The following LRRC27 variants were observed in gnomAD, a reference collection of about 807,000 sequenced individuals.
LRRC27 encodes leucine rich repeat containing 27.
LRRC27 carries 57 observed loss-of-function variants against 55.0 expected under a neutral mutation model. That is an observed-to-expected ratio of 1.04 (90% CI 0.84 to 1.29). The LOEUF (loss-of-function observed/expected upper bound fraction) is 1.29. Among genes scored for constraint, LRRC27 ranks in the 50% most tolerant of loss-of-function variants. The pLI is 0.00. For missense variants in LRRC27, 721 were observed against 651.5 expected, an observed-to-expected ratio of 1.11 and a Z score of -1.16; for synonymous variants, 278 against 251.9, an observed-to-expected ratio of 1.10 and a Z score of -0.98.
At chr10:132,339,494 G>T (rs2067297430) in intron 3 of LRRC27, among the ~76,000 whole-genome samples, 1 of 152,232 alleles carries the variant, frequency 6.6e-6, no homozygotes, top group Non-Finnish European at 1.5e-5. Context: ...GCGGACCACA[G>T]ACGGACCTGG....
intron 2 of LRRC27, among the ~76,000 whole-genome samples, chr10:132,334,904 G>C (rs1489323448): frequency 2.0e-5 from 3 of 152,224 alleles, no homozygotes; most frequent in Non-Finnish European, 2.9e-5. Context: ...ACAAATGTCA[G>C]TATAAATTTT....
At position 132,380,219 on chromosome 10, in the gene LRRC27, C is replaced by T. The variant is rs1481060945; in HGVS notation, c.*4977C>T. Among the ~76,000 whole-genome samples the T allele has an allele frequency of 6.6e-6, 1 of 151,962 alleles. No homozygotes were observed. Among genetic ancestry groups the T allele is most frequent in the Non-Finnish European group, 1.5e-5 (1 of 67,984 alleles). On this transcript the variant is annotated 3_prime_UTR_variant, in exon 11 of 11. Coordinates refer to ENST00000368614, the MANE Select transcript of LRRC27 (RefSeq NM_030626.3). ...GCTGAGGCAGGAGAATCACTTGAAC[C>T]CGGAAGGCAGAGGTTGCAGTGAGCC...
intron 2 of LRRC27, chr10:132,337,200 G>A (rs528722342): frequency 7.9e-4 from 929 of 1,175,068 alleles, no homozygotes; most frequent in Non-Finnish European, 9.3e-4. Flanking sequence ...GGCTGCCGAG[G>A]GCCAGGTGCT....
chr10:132,360,721 G>A (rs184887337), intron 8 of LRRC27, among the ~76,000 whole-genome samples: 6 of 152,322 alleles, frequency 3.9e-5, no homozygotes, highest in African/African-American at 1.2e-4. Context: ...CATTCCAAAC[G>A]TCATCTCAGT....
rs2068830323 is a variant in LRRC27, at chr10:132,364,393, C to CCACACTTACACCCACG, written c.1290-1030_1290-1029insACACTTACACCCACGC. On this transcript the variant is annotated intron_variant, in intron 9 of 10. Transcript: ENST00000368614. Reference sequence around the variant, plus strand: ...TACACCCACCCACACTTACACCCACCCTTACATCTACCTCCACACCCGCGC... The same window carrying CCACACTTACACCCACG: ...TACACCCACCCACACTTACACCCACCCACACTTACACCCACGCTTACATCTACCTCCACACCCGCGC... Among the ~76,000 whole-genome samples the CCACACTTACACCCACG allele has an allele frequency of 4.0e-3, 35 of 8,642 alleles. 4 individuals carry two copies. The highest frequency in any genetic ancestry group is 0.015 in the East Asian group (3 of 202). 5.7% of individuals were successfully genotyped at this position (8,642 alleles called of 152,430 possible).
intron 10 of LRRC27, among the ~76,000 whole-genome samples, chr10:132,373,530 A>C (rs973628918): frequency 1.3e-5 from 2 of 152,204 alleles, no homozygotes; most frequent in Non-Finnish European, 2.9e-5. Context: ...CACTGCCCTC[A>C]GCAGGCGCCG....
intron 7 of LRRC27, among the ~76,000 whole-genome samples, 166 bp from the exon 8 acceptor site, chr10:132,355,624 G>T (rs116407901): frequency 6.6e-6 from 1 of 152,228 alleles, no homozygotes; most frequent in Non-Finnish European, 1.5e-5. Flanking sequence ...CAGATGTGCC[G>T]GGAGGAAGAG....
At chr10:132,333,774 C>T in intron 2 of LRRC27, 40 bp downstream of exon 2, 1 of 1,504,106 alleles carries the variant, frequency 6.6e-7, no homozygotes, top group African/African-American at 1.4e-5. Flanking sequence ...CCCACAGGTC[C>T]CCTATAGACA....
chr10:132,342,032 G>C (rs2067439591), intron 3 of LRRC27, among the ~76,000 whole-genome samples, 181 bp from the exon 4 acceptor site: 1 of 152,162 alleles, frequency 6.6e-6, no homozygotes, highest in Admixed American at 6.5e-5. Context: ...GCGGTGCAGG[G>C]CTTAGACCTG....
Position 132,348,472 on chromosome 10 carries a change from G to C in LRRC27, c.926+116G>C. 1 of 1,395,208 alleles carries C rather than the reference G, an allele frequency of 7.2e-7. No homozygotes were observed. The highest frequency in any genetic ancestry group is 9.8e-7 in the Non-Finnish European group (1 of 1,023,690). 86.4% of individuals were successfully genotyped at this position (1,395,208 alleles called of 1,614,324 possible). On this transcript the variant is annotated intron_variant, in intron 6 of 10. Coordinates refer to ENST00000368614, the MANE Select transcript of LRRC27 (RefSeq NM_030626.3). This position sits in a 1 kb window ranked among gnomAD's most constrained non-coding sequence, Gnocchi z 4.2. ...TTAAAGTGTCCTCCACGTTGCCACC[G>C]TTTACTGTGCAGTGAGTGCCGGTCC...
At chr10:132,373,976 C>T (rs1392259797) in intron 10 of LRRC27, among the ~76,000 whole-genome samples, 3 of 152,226 alleles carry the variant, frequency 2.0e-5, no homozygotes, top group African/African-American at 7.2e-5. Context: ...GGGTCAGTAA[C>T]AAGTAACATT....
intron 2 of LRRC27, among the ~76,000 whole-genome samples, chr10:132,336,363 A>G: frequency 6.6e-6 from 1 of 152,230 alleles, no homozygotes; most frequent in East Asian, 1.9e-4. Context: ...GATTGCCAGG[A>G]TGCTTTCTGG....
Position 132,333,517 on chromosome 10 carries a change from G to C in LRRC27, c.-8G>C. 1 of 1,586,444 alleles carries C rather than the reference G, an allele frequency of 6.3e-7. No homozygotes were observed. Among genetic ancestry groups the C allele is most frequent in the Non-Finnish European group, 8.6e-7 (1 of 1,165,024 alleles). ...GGAGGATGAGCTGCTGTCCCTGGAAGAGAACGGATGGAGGGAAGCAGCTCC... is the reference window on the plus strand; with the variant it reads ...GGAGGATGAGCTGCTGTCCCTGGAACAGAACGGATGGAGGGAAGCAGCTCC... On this transcript the variant is annotated 5_prime_UTR_variant, in exon 2 of 11. Coordinates refer to ENST00000368614, the MANE Select transcript of LRRC27 (RefSeq NM_030626.3).
At chr10:132,367,004 C>T (rs2069110797) in intron 10 of LRRC27, 1 of 1,216,528 alleles carries the variant, frequency 8.2e-7, no homozygotes, top group Middle Eastern at 2.3e-4. Context: ...TTTCTAAATC[C>T]ATCGTTTATG....
chr10:132,349,112 G>A, intron 6 of LRRC27: 1 of 1,197,722 alleles, frequency 8.3e-7, no homozygotes. Flanking sequence ...GTGCCTGTGT[G>A]TGTGTAAACA....
At chr10:132,332,011 G>A (rs2066789741), upstream of LRRC27, 2 of 385,748 alleles carry the variant, frequency 5.2e-6, no homozygotes, top group Non-Finnish European at 9.1e-6. Context: ...CCCCTGCCGC[G>A]CAGGGGCACC....
chr10:132,352,082 G>GCTCCGTGTGGGGCAGATGCTGAGGC lies in LRRC27; in HGVS notation c.1073+345_1073+369dup, dbSNP rs1215800763. Among the ~76,000 whole-genome samples, 63 of 89,140 alleles carry GCTCCGTGTGGGGCAGATGCTGAGGC rather than the reference G, an allele frequency of 7.1e-4. 4 individuals are homozygous for GCTCCGTGTGGGGCAGATGCTGAGGC. The highest frequency in any genetic ancestry group is 1.2e-3 in the Non-Finnish European group (48 of 40,262). 58.5% of individuals were successfully genotyped at this position (89,140 alleles called of 152,430 possible). Reference sequence around the variant, plus strand: ...CGTGTGGGGCAGGCGCAGGTGCAGCGCTCCGTGTGGGGCAGATGCTGAGGC... The same window carrying GCTCCGTGTGGGGCAGATGCTGAGGC: ...CGTGTGGGGCAGGCGCAGGTGCAGCGCTCCGTGTGGGGCAGATGCTGAGGCCTCCGTGTGGGGCAGATGCTGAGGC... On this transcript the variant is annotated intron_variant, in intron 7 of 10. Coordinates refer to ENST00000368614, the MANE Select transcript of LRRC27 (RefSeq NM_030626.3).
At chr10:132,352,973 C>A in intron 7 of LRRC27, 1 of 1,613,736 alleles carries the variant, frequency 6.2e-7, no homozygotes, top group Non-Finnish European at 8.5e-7. Flanking sequence ...GCCGCCAGTG[C>A]CACCACCTTG....
intron 10 of LRRC27, among the ~76,000 whole-genome samples, chr10:132,369,825 C>A (rs1158632126): frequency 6.6e-6 from 1 of 152,126 alleles, no homozygotes; most frequent in African/African-American, 2.4e-5. Flanking sequence ...AATCTGAAAC[C>A]TGAGAGCTGG....
Sources: allele counts gnomAD v4.1 joint callset (sites outside exome capture counted in the v4.1 genomes callset), GRCh38; gene constraint gnomAD v4.1.1; non-coding constraint Gnocchi (gnomAD v3.1); transcripts MANE v1.5; gene names NCBI Gene and HGNC (gene_info 2026-07-23, HGNC 2026-07-21).